The following NRG1 variants were observed in gnomAD, a reference collection of about 807,000 sequenced individuals.
NRG1 encodes pro-neuregulin-1, membrane-bound isoform.
NRG1 carries 18 observed loss-of-function variants against 63.8 expected under a neutral mutation model. That is an observed-to-expected ratio of 0.28 (90% CI 0.19 to 0.42). NRG1 has a LOEUF of 0.42. Among genes scored for constraint, NRG1 ranks in the 10% least tolerant of loss-of-function variants. NRG1 has a pLI of 1.00. For synonymous variants in NRG1, 302 were observed against 301.3 expected, an observed-to-expected ratio of 1.00 and a Z score of -0.02; for missense variants, 762 against 814.7, an observed-to-expected ratio of 0.94 and a Z score of 0.79.
intron 1 of NRG1, among the ~76,000 whole-genome samples, chr8:32,585,041 T>C (rs1841362463): frequency 6.6e-6 from 1 of 152,176 alleles, no homozygotes; most frequent in Non-Finnish European, 1.5e-5. Flanking sequence ...CAAAATCATG[T>C]TAATGTGCTA....
chr8:32,232,856 C>A (rs1472342122), intron 1 of NRG1, among the ~76,000 whole-genome samples: 4 of 152,112 alleles, frequency 2.6e-5, no homozygotes, highest in African/African-American at 7.2e-5. Context: ...AAGCTGGATT[C>A]TCCTGTAAAA....
intron 1 of NRG1, among the ~76,000 whole-genome samples, chr8:32,083,344 C>A (rs1023507882): frequency 2.0e-5 from 3 of 152,108 alleles, no homozygotes; most frequent in African/African-American, 7.2e-5. Context: ...GTTGGGTTGG[C>A]CTTGCAACTC....
At chr8:32,558,555 T>C (rs1835655413) in intron 1 of NRG1, among the ~76,000 whole-genome samples, 2 of 152,184 alleles carry the variant, frequency 1.3e-5, no homozygotes, top group Admixed American at 1.3e-4. Context: ...GACCTGCATT[T>C]GGACCTGTGT....
chr8:31,945,723 C>A (rs1400143508), intron 1 of NRG1, among the ~76,000 whole-genome samples: 1 of 152,168 alleles, frequency 6.6e-6, no homozygotes, highest in Non-Finnish European at 1.5e-5. Flanking sequence ...TTTTTTCTTC[C>A]TGTGCATATC....
intron 1 of NRG1, among the ~76,000 whole-genome samples, chr8:32,324,496 G>T (rs1409586050): frequency 1.3e-5 from 2 of 152,254 alleles, no homozygotes; most frequent in East Asian, 3.9e-4. Context: ...AAAAGGAATG[G>T]GTGGAGGCTT....
intron 1 of NRG1, among the ~76,000 whole-genome samples, chr8:31,756,589 C>T (rs560948907): frequency 5.9e-5 from 9 of 152,122 alleles, no homozygotes; most frequent in Non-Finnish European, 1.2e-4. Flanking sequence ...GCTTAGATGA[C>T]AGAATATTAG....
intron 5 of NRG1, among the ~76,000 whole-genome samples, chr8:32,683,450 GA>G (rs1484215804): frequency 6.6e-6 from 1 of 152,170 alleles, no homozygotes; most frequent in Non-Finnish European, 1.5e-5. Context: ...AAAAGAGATG[GA>G]AAGGGTGGAA....
chr8:32,642,274 T>G (rs1852565919), intron 5 of NRG1, among the ~76,000 whole-genome samples: 1 of 152,244 alleles, frequency 6.6e-6, no homozygotes, highest in Non-Finnish European at 1.5e-5. Context: ...ATGTATTGAA[T>G]GGACAGCCCA....
intron 5 of NRG1, among the ~76,000 whole-genome samples, chr8:32,642,192 C>T (rs1852546136): frequency 6.6e-6 from 1 of 152,084 alleles, no homozygotes; most frequent in African/African-American, 2.4e-5. Flanking sequence ...ATGAATAAAG[C>T]CTGCTGATTT....
intron 1 of NRG1, among the ~76,000 whole-genome samples, chr8:31,961,405 A>T (rs944017494): frequency 6.6e-6 from 1 of 152,164 alleles, no homozygotes; most frequent in African/African-American, 2.4e-5. Context: ...ACAACATCTC[A>T]CTCTGCACAA....
rs181809171 is a variant in NRG1 at position 31,970,141 on chromosome 8, C to A, written c.37+330710C>A. 3.3e-5 allele frequency among the ~76,000 whole-genome samples: 5 copies of A among 152,180 alleles called. No homozygotes were observed. The East Asian group carries it at 7.7e-4, about 23-fold the overall frequency. On this transcript the variant is annotated intron_variant, in intron 1 of 10. Transcript: ENST00000519301. ...CTTTCCAACTTTCACTATTTTAGTA[C>A]CCTGGCTAGAAAATGATAATCTGAT...
chr8:32,747,966 C>A (rs1038177144), intron 7 of NRG1, among the ~76,000 whole-genome samples: 4 of 151,902 alleles, frequency 2.6e-5, no homozygotes, highest in Non-Finnish European at 5.9e-5. Context: ...ACTCCCCAGG[C>A]ATGCCCAGTG....
chr8:32,672,404 C>T (rs1157668274), intron 5 of NRG1, among the ~76,000 whole-genome samples: 1 of 152,154 alleles, frequency 6.6e-6, no homozygotes, highest in Non-Finnish European at 1.5e-5. Flanking sequence ...ACATCACTCT[C>T]CTACCTACTC....
chr8:32,750,070 A>G (rs1721698876), intron 7 of NRG1, among the ~76,000 whole-genome samples: 1 of 152,198 alleles, frequency 6.6e-6, no homozygotes, highest in Non-Finnish European at 1.5e-5. Context: ...TGTAATGTAT[A>G]TAGAAAGCCC....
At chr8:31,730,770 A>C (rs1438906038) in intron 1 of NRG1, among the ~76,000 whole-genome samples, 1 of 152,176 alleles carries the variant, frequency 6.6e-6, no homozygotes, top group Admixed American at 6.5e-5. Flanking sequence ...ACCAAGAAGA[A>C]ATAACAAACT....
intron 1 of NRG1, among the ~76,000 whole-genome samples, chr8:31,988,725 G>T (rs1444373103): frequency 6.6e-6 from 1 of 152,106 alleles, no homozygotes; most frequent in East Asian, 1.9e-4. Flanking sequence ...TGAGGCCAGA[G>T]ATCCACTGAA....
At chr8:32,019,737 C>T (rs1185339876) in intron 1 of NRG1, among the ~76,000 whole-genome samples, 3 of 152,136 alleles carry the variant, frequency 2.0e-5, no homozygotes, top group African/African-American at 7.2e-5. Context: ...GTTTTTATTT[C>T]CACACAGTTG....
At chr8:32,666,507 G>A (rs530702801) in intron 5 of NRG1, among the ~76,000 whole-genome samples, 1 of 152,268 alleles carries the variant, frequency 6.6e-6, no homozygotes, top group African/African-American at 2.4e-5. Context: ...AAAAAAGAGC[G>A]TGGTTCCCTG....
intron 1 of NRG1, among the ~76,000 whole-genome samples, chr8:32,462,455 T>C (rs1237724721): frequency 6.6e-6 from 1 of 152,150 alleles, no homozygotes; most frequent in Non-Finnish European, 1.5e-5. Flanking sequence ...GCAAGCAATT[T>C]AACATATTTA....
Sources: allele counts gnomAD v4.1 joint callset (sites outside exome capture counted in the v4.1 genomes callset), GRCh38; gene constraint gnomAD v4.1.1; transcripts MANE v1.5; gene names NCBI Gene and HGNC (gene_info 2026-07-23, HGNC 2026-07-21).